DYNC2I1: variants seen among roughly 807,000 people sequenced by gnomAD.
The protein encoded by DYNC2I1 is cytoplasmic dynein 2 intermediate chain 1.
In DYNC2I1, 89 loss-of-function variants were observed where a neutral mutation model predicts 133.4. The observed-to-expected ratio is 0.67, with a 90% CI of 0.56 to 0.80. DYNC2I1 has a LOEUF of 0.80. Among genes scored for constraint, DYNC2I1 ranks in the 30% least tolerant of loss-of-function variants. The pLI is 0.00. For synonymous variants in DYNC2I1, 504 were observed against 484.3 expected (o/e 1.04, Z -0.54); for missense variants, 1,291 against 1,314.5 (o/e 0.98, Z 0.28).
Position 158,911,693 on chromosome 7 carries a change from G to A in DYNC2I1, c.1590+14G>A, listed in dbSNP as rs1214756280. 1 of 1,599,326 alleles carries A rather than the reference G, an allele frequency of 6.3e-7. No individual in the cohort carries two copies. Among genetic ancestry groups the A allele is most frequent in the South Asian group, 1.1e-5 (1 of 87,842 alleles). Reference sequence around the variant, plus strand: ...AATACCAAGCAGGTAAGTATGAGATGTGTTAACTAAGTGATAAAATGCAAG... The same window carrying A: ...AATACCAAGCAGGTAAGTATGAGATATGTTAACTAAGTGATAAAATGCAAG... On this transcript the variant is annotated intron_variant, in intron 12 of 24. Transcript: ENST00000407559.
At chr7:158,892,472 C>T (rs922746830) in intron 8 of DYNC2I1, among the ~76,000 whole-genome samples, 4 of 151,976 alleles carry the variant, frequency 2.6e-5, no homozygotes, top group African/African-American at 7.3e-5. Flanking sequence ...GTCAGGGGCT[C>T]GCTCTGTTGC....
At chr7:158,865,782 T>G (rs1382907722) in intron 1 of DYNC2I1, among the ~76,000 whole-genome samples, 1 of 152,188 alleles carries the variant, frequency 6.6e-6, no homozygotes, top group East Asian at 1.9e-4. Context: ...GCAGGTCAAG[T>G]TGGTCTTTAA....
chr7:158,887,676 G>A (rs1248181644), intron 7 of DYNC2I1, among the ~76,000 whole-genome samples: 2 of 152,200 alleles, frequency 1.3e-5, no homozygotes, highest in Admixed American at 6.5e-5. Context: ...AAGACATTGC[G>A]TTTGTGTTAC....
intron 8 of DYNC2I1, among the ~76,000 whole-genome samples, chr7:158,895,004 C>T (rs1299861433): frequency 6.6e-6 from 1 of 152,064 alleles, no homozygotes. Context: ...ATCTTTGGCC[C>T]ATTTTTTTAT....
In DYNC2I1 at chr7:158,896,476, C is replaced by T. The variant is rs565065765; in HGVS notation, c.1059+5143C>T. 1.1e-4 allele frequency among the ~76,000 whole-genome samples: 16 copies of T among 152,022 alleles called. No individual in the cohort carries two copies. In the South Asian group the frequency reaches 3.1e-3, roughly 30 times the overall value. The stretch of plus-strand genomic sequence containing the variant: ...GTGTATGATTCTTTTTATTTTTTAT[C>T]TTTTGTTTTTTTGAGGCAGGGTGTT... On this transcript the variant is annotated intron_variant, in intron 8 of 24. Transcript: ENST00000407559.
intron 21 of DYNC2I1, among the ~76,000 whole-genome samples, chr7:158,931,711 TC>T (rs1335875847): frequency 2.6e-5 from 4 of 152,066 alleles, no homozygotes; most frequent in Non-Finnish European, 4.4e-5. Flanking sequence ...AGCAGTGTCT[TC>T]CTGAGATCCA....
chr7:158,930,387 C>A, intron 20 of DYNC2I1, 68 bp from the exon 21 acceptor site: 2 of 1,338,734 alleles, frequency 1.5e-6, no homozygotes, highest in Non-Finnish European at 2.1e-6. Context: ...TGATTCCAGG[C>A]AACTATAACT....
intron 23 of DYNC2I1, among the ~76,000 whole-genome samples, chr7:158,938,281 G>C (rs183263107): frequency 1.3e-5 from 2 of 152,228 alleles, no homozygotes; most frequent in Non-Finnish European, 2.9e-5. Context: ...AGACATCTCA[G>C]TGGAAACCAT....
At chr7:158,933,994 T>C (rs1850488992) in intron 21 of DYNC2I1, 135 bp from the exon 22 acceptor site, 2 of 623,790 alleles carry the variant, frequency 3.2e-6, no homozygotes, top group Non-Finnish European at 5.4e-6. Context: ...AGAAACAGAG[T>C]GGCTAAACCC....
Position 158,918,754 on chromosome 7 carries a change from G to A in DYNC2I1, c.1806G>A (p.Leu602=). 6.2e-7 allele frequency: 1 copy of A among 1,613,722 alleles called. No homozygotes were observed. The highest frequency in any genetic ancestry group is 1.3e-5 in the African/African-American group (1 of 75,002). The change falls in exon 15 of 25, where the codon TTG becomes TTA. Residue 602 remains leucine, a synonymous_variant. Coordinates refer to ENST00000407559, the MANE Select transcript of DYNC2I1 (RefSeq NM_018051.5). ...LRAACQVMAV[L]LEEDRLAAEP... ...ATGTCTGACAGGTGATGGCCGTTTT[G>A]CTGGAAGAGGATCGCTTGGCAGCTG...
At chr7:158,896,022 T>G (rs1845728285) in intron 8 of DYNC2I1, among the ~76,000 whole-genome samples, 2 of 152,228 alleles carry the variant, frequency 1.3e-5, no homozygotes, top group Admixed American at 6.5e-5. Context: ...CAGGTTTTTT[T>G]TGTTCAATTC....
rs961555100 is a variant in DYNC2I1, at chr7:158,911,491, C to T, written c.1461-59C>T. 13 of 1,570,594 alleles carry T rather than the reference C, an allele frequency of 8.3e-6. No homozygotes were observed. The African/African-American group carries it at 9.5e-5, about 11-fold the overall frequency. ...TCTAAGTTTACTTCTGTTCTCCCTA[C>T]ACTTCCCCACGTATATTATTCGAGT... On this transcript the variant is annotated intron_variant, in intron 11 of 24. Transcript: ENST00000407559.
chr7:158,884,644 G>A, intron 6 of DYNC2I1, 25 bp downstream of exon 6: 2 of 1,610,976 alleles, frequency 1.2e-6, no homozygotes, highest in Admixed American at 1.7e-5. Flanking sequence ...CCCTGTGGTC[G>A]ACCTTTACGT....
intron 8 of DYNC2I1, among the ~76,000 whole-genome samples, chr7:158,900,337 G>T (rs1403581017): frequency 6.6e-6 from 1 of 152,046 alleles, no homozygotes; most frequent in Non-Finnish European, 1.5e-5. Context: ...AGTCAGGCTG[G>T]TCTTGAACTC....
chr7:158,919,575 A>C (rs556633996), intron 15 of DYNC2I1, among the ~76,000 whole-genome samples: 1 of 152,242 alleles, frequency 6.6e-6, no homozygotes, highest in Admixed American at 6.5e-5. Context: ...GCTTGGTAGC[A>C]GGTGCGGGTG....
At chr7:158,924,045 A>T (rs1005772989) in intron 17 of DYNC2I1, among the ~76,000 whole-genome samples, 1 of 152,202 alleles carries the variant, frequency 6.6e-6, no homozygotes, top group African/African-American at 2.4e-5. Context: ...CAGGGCAAAG[A>T]TAGCTCACAC....
the DYNC2I1 span, among the ~76,000 whole-genome samples, chr7:158,846,812 T>G: frequency 7.9e-5 from 12 of 152,328 alleles, no homozygotes; most frequent in African/African-American, 2.9e-4. Context: ...CTTCTCCTTT[T>G]GTTGGCTACT....
intron 17 of DYNC2I1, among the ~76,000 whole-genome samples, 181 bp from the exon 18 acceptor site, chr7:158,926,006 T>A (rs532361085): frequency 1.3e-5 from 2 of 152,304 alleles, no homozygotes; most frequent in South Asian, 4.1e-4. Context: ...CGTGGTCCTG[T>A]GTCAGTTGTG....
chr7:158,915,461 C>T (rs1370571392), intron 14 of DYNC2I1, among the ~76,000 whole-genome samples: 13 of 147,840 alleles, frequency 8.8e-5, no homozygotes, highest in African/African-American at 7.5e-5. Flanking sequence ...TGTGAAACGT[C>T]GACACGCTGG....
Sources: gnomAD v4.1 joint callset for allele counts (sites outside exome capture counted in the v4.1 genomes callset) on GRCh38, gnomAD v4.1.1 for gene constraint, MANE v1.5 for transcripts, NCBI Gene and HGNC (gene_info 2026-07-23, HGNC 2026-07-21) for gene names.